CPS1: variants seen among roughly 807,000 people sequenced by gnomAD.
The protein encoded by CPS1 is carbamoyl-phosphate synthase [ammonia], mitochondrial.
CPS1 carries 109 observed loss-of-function variants against 174.6 expected under a neutral mutation model. That is an observed-to-expected ratio of 0.62 (90% CI 0.53 to 0.73). The LOEUF (loss-of-function observed/expected upper bound fraction) is 0.73. CPS1 is among the 30% of genes least tolerant of loss of function. The probability of loss-of-function intolerance (pLI) is 0.00; values close to 1 mark genes in which losing one functional copy is unlikely to be tolerated. For synonymous variants in CPS1, 637 were observed against 632.0 expected, an observed-to-expected ratio of 1.01 and a Z score of -0.12; for missense variants, 1,689 against 1,821.9, an observed-to-expected ratio of 0.93 and a Z score of 1.33.
chr2:210,622,860 T>C (rs1312232180), intron 21 of CPS1, among the ~76,000 whole-genome samples: 1 of 151,968 alleles, frequency 6.6e-6, no homozygotes, highest in Non-Finnish European at 1.5e-5. Context: ...TGGCTGTAAC[T>C]GTTTTTAATT....
chr2:210,613,388 T>A (rs535654168), intron 20 of CPS1, among the ~76,000 whole-genome samples: 2 of 152,082 alleles, frequency 1.3e-5, no homozygotes, highest in South Asian at 4.1e-4. Context: ...GTTGCTATTA[T>A]CTCTTGATGG....
At chr2:210,583,964 G>A (rs1187055028) in intron 6 of CPS1, among the ~76,000 whole-genome samples, 3 of 152,186 alleles carry the variant, frequency 2.0e-5, no homozygotes, top group Non-Finnish European at 4.4e-5. Flanking sequence ...AAGAGGGGCT[G>A]AATGAGGTCA....
At chr2:210,502,727 A>G (rs1449248975) in intron 1 of CPS1, among the ~76,000 whole-genome samples, 1 of 152,094 alleles carries the variant, frequency 6.6e-6, no homozygotes, top group African/African-American at 2.4e-5. Flanking sequence ...CTGACCCTTC[A>G]TAGTCTCGTG....
intron 33 of CPS1, among the ~76,000 whole-genome samples, chr2:210,664,428 T>C (rs191607626): frequency 0.025 from 3,859 of 151,942 alleles, 87 homozygotes; most frequent in Admixed American, 0.044. Context: ...CAGCCTCCAC[T>C]TCCTGGGTTC....
At chr2:210,556,461 A>G (rs754748048), upstream of CPS1, 7 of 794,346 alleles carry the variant, frequency 8.8e-6, no homozygotes, top group Non-Finnish European at 1.4e-5. Flanking sequence ...TTATTTTAGC[A>G]GGAGAAGGTA....
At chr2:210,538,913 A>G (rs1384901754) in intron 1 of CPS1, among the ~76,000 whole-genome samples, 1 of 152,146 alleles carries the variant, frequency 6.6e-6, no homozygotes, top group Non-Finnish European at 1.5e-5. Flanking sequence ...ATCAGAGGAA[A>G]AATTTATTAC....
At chr2:210,602,397 G>A in intron 16 of CPS1, 67 bp downstream of exon 16, 2 of 1,552,344 alleles carry the variant, frequency 1.3e-6, no homozygotes, top group African/African-American at 1.4e-5. Flanking sequence ...TTTTCAACTA[G>A]AGAAAGTTAT....
intron 1 of CPS1, among the ~76,000 whole-genome samples, chr2:210,490,154 A>G (rs1694834895): frequency 6.6e-6 from 1 of 152,224 alleles, no homozygotes; most frequent in African/African-American, 2.4e-5. Flanking sequence ...AACTACTCTC[A>G]GCTTTCTCTG....
intron 1 of CPS1, among the ~76,000 whole-genome samples, chr2:210,522,672 T>A (rs1427664775): frequency 6.6e-6 from 1 of 151,998 alleles, no homozygotes; most frequent in Non-Finnish European, 1.5e-5. Flanking sequence ...TCTCCAGAGA[T>A]AATAGTGGAC....
chr2:210,660,710 A>T, intron 32 of CPS1, 55 bp downstream of exon 32: 1 of 1,526,916 alleles, frequency 6.5e-7, no homozygotes, highest in Non-Finnish European at 9.1e-7. Flanking sequence ...AAATTAAAAG[A>T]ACAATTTGTC....
intron 1 of CPS1, among the ~76,000 whole-genome samples, chr2:210,500,412 C>T (rs1251280622): frequency 6.6e-6 from 1 of 152,222 alleles, no homozygotes; most frequent in African/African-American, 2.4e-5. Flanking sequence ...CAAGTCTCTT[C>T]TGCCTATAGG....
At chr2:210,665,685 A>G (rs1380576949) in intron 33 of CPS1, among the ~76,000 whole-genome samples, 2 of 151,630 alleles carry the variant, frequency 1.3e-5, no homozygotes, top group African/African-American at 2.4e-5. Context: ...ATAGTATTCC[A>G]TGGTATATAT....
chr2:210,674,559 C>G (rs572617923), intron 34 of CPS1: 1 of 292,528 alleles, frequency 3.4e-6, no homozygotes, highest in Non-Finnish European at 6.5e-6. Context: ...GCTCCTAACC[C>G]GCATATCTTT....
intron 1 of CPS1, among the ~76,000 whole-genome samples, chr2:210,561,211 G>C (rs1173318486): frequency 6.6e-6 from 1 of 152,134 alleles, no homozygotes; most frequent in Non-Finnish European, 1.5e-5. Context: ...GGTTAAGTGA[G>C]TGAGGTACCT....
intron 1 of CPS1, among the ~76,000 whole-genome samples, chr2:210,486,419 C>T (rs2105946219): frequency 6.6e-6 from 1 of 152,254 alleles, no homozygotes; most frequent in South Asian, 2.1e-4. Context: ...ACGTGCCCAA[C>T]ACCCTTGCTT....
intron 1 of CPS1, among the ~76,000 whole-genome samples, chr2:210,525,318 A>C (rs1695943449): frequency 6.6e-6 from 1 of 151,938 alleles, no homozygotes; most frequent in African/African-American, 2.4e-5. Flanking sequence ...CAATTAACTT[A>C]TCTGAGAGAC....
chr2:210,598,593 C>T (rs181393620), intron 13 of CPS1, among the ~76,000 whole-genome samples: 69 of 151,682 alleles, frequency 4.5e-4, no homozygotes, highest in African/African-American at 1.3e-3. Flanking sequence ...TTCAAATGAA[C>T]GAGGATTTAA....
intron 1 of CPS1, among the ~76,000 whole-genome samples, chr2:210,546,028 C>G (rs967498532): frequency 6.6e-6 from 1 of 151,920 alleles, no homozygotes; most frequent in Non-Finnish European, 1.5e-5. Context: ...ATTTTTAGTT[C>G]TTTTTGTTAT....
intron 30 of CPS1, chr2:210,657,549 C>G (rs1199024161): frequency 6.6e-6 from 1 of 152,578 alleles, no homozygotes; most frequent in Admixed American, 6.5e-5. Context: ...ACGTCGTGAT[C>G]CGCCCGCCTC....
Sources: gnomAD v4.1 joint callset for allele counts (sites outside exome capture counted in the v4.1 genomes callset) on GRCh38, gnomAD v4.1.1 for gene constraint, MANE v1.5 for transcripts, NCBI Gene and HGNC (gene_info 2026-07-23, HGNC 2026-07-21) for gene names.